LPIN2: variants seen among roughly 807,000 people sequenced by gnomAD.
The protein encoded by LPIN2 is phosphatidate phosphatase LPIN2.
LPIN2 carries 55 observed loss-of-function variants against 111.4 expected under a neutral mutation model. The observed-to-expected ratio is 0.49, with a 90% CI of 0.40 to 0.62. The LOEUF is 0.62. Ranked by LOEUF, LPIN2 falls within the 20% of genes least tolerant of loss-of-function variation. LPIN2 has a pLI of 0.00. For synonymous variants in LPIN2, 425 were observed against 414.0 expected (o/e 1.03, Z -0.32); for missense variants, 992 against 1,112.1 (o/e 0.89, Z 1.54).
intron 6 of LPIN2, among the ~76,000 whole-genome samples, chr18:2,938,625 T>C (rs35082000): frequency 0.12 from 18,231 of 152,234 alleles, 1,222 homozygotes; most frequent in South Asian, 0.16. Flanking sequence ...AATACTCATT[T>C]TGGGGGAGAA....
intron 4 of LPIN2, chr18:2,946,000 C>A: frequency 7.2e-7 from 1 of 1,387,584 alleles, no homozygotes; most frequent in South Asian, 1.2e-5. Flanking sequence ...AATAGGTACT[C>A]CAGAATGATA....
At chr18:2,996,107 G>A (rs1284167330) in intron 1 of LPIN2, among the ~76,000 whole-genome samples, 5 of 152,130 alleles carry the variant, frequency 3.3e-5, no homozygotes, top group Non-Finnish European at 7.3e-5. Flanking sequence ...TTGGGAGGCC[G>A]AGGCGGGCGG....
rs1291666462 is a variant in LPIN2 at position 2,917,945 on chromosome 18, C to T, written c.*2348G>A. The T allele has an allele frequency of 2.2e-4, 33 of 152,184 alleles. 1 individual carries two copies. Among genetic ancestry groups the T allele is most frequent in the Admixed American group, 2.2e-3 (33 of 15,268 alleles). The allele number at this position is 152,184 out of a possible 1,614,324, so 9.4% of individuals were successfully genotyped here. On this transcript the variant is annotated 3_prime_UTR_variant, in exon 20 of 20. Coordinates refer to ENST00000677752, the MANE Select transcript of LPIN2 (RefSeq NM_001375808.2). ...ACTCACCATCCTAAGGGTTTGTGTA[C>T]AAACACACTCGAGGGCATCTCTTTC... is the stretch of plus-strand genomic sequence containing the variant.
intron 17 of LPIN2, 137 bp from the exon 18 acceptor site, chr18:2,921,784 G>A: frequency 2.5e-6 from 2 of 789,922 alleles, no homozygotes; most frequent in Non-Finnish European, 2.1e-6. Flanking sequence ...CTCCTTCTTT[G>A]CCAGTCTGAT....
At position 2,923,713 on chromosome 18, in the gene LPIN2, C is replaced by T. The variant is rs182095669; in HGVS notation, c.2174+62G>A. ...TGGACTGAAGACTTACACCATTGTT[C>T]TATAGTTCTTAAAGCAAGCTTCCAG... On this transcript the variant is annotated intron_variant, in intron 16 of 19. Coordinates refer to ENST00000677752, the MANE Select transcript of LPIN2 (RefSeq NM_001375808.2). 71 of 1,349,384 alleles carry T rather than the reference C, an allele frequency of 5.3e-5. No individual in the cohort carries two copies. In the African/African-American group the frequency reaches 9.5e-4, roughly 18 times the overall value. 83.6% of individuals were successfully genotyped at this position (1,349,384 alleles called of 1,614,324 possible).
rs749637364 is a variant in LPIN2, at chr18:2,961,632, G to A, written c.-9-783C>T. Among the ~76,000 whole-genome samples the A allele has an allele frequency of 3.3e-5, 5 of 152,070 alleles. No homozygotes were observed. In the East Asian group the frequency reaches 5.8e-4, roughly 18 times the overall value. On this transcript the variant is annotated intron_variant, in intron 1 of 19. Coordinates refer to ENST00000677752, the MANE Select transcript of LPIN2 (RefSeq NM_001375808.2). ...GAGAGGAAGTACAGCTAAAGCCAGG[G>A]GTGGCTTTATTGCCTTGGCCCCATC...
chr18:2,920,955 C>T (rs1348131333), intron 18 of LPIN2, 74 bp from the exon 19 acceptor site: 5 of 995,194 alleles, frequency 5.0e-6, no homozygotes, highest in Non-Finnish European at 4.8e-6. Context: ...TCCTTGTGAG[C>T]CAGAAGCACT....
intron 7 of LPIN2, among the ~76,000 whole-genome samples, chr18:2,937,267 G>A (rs1002347278): frequency 2.0e-5 from 3 of 152,094 alleles, no homozygotes; most frequent in African/African-American, 4.8e-5. Context: ...GACGGGCCTG[G>A]GCACGGTGGC....
In LPIN2 at chr18:2,996,278, T is replaced by G. The variant is rs1334930076; in HGVS notation, c.-10+16809A>C. Among the ~76,000 whole-genome samples, 4 of 151,538 alleles carry G rather than the reference T, an allele frequency of 2.6e-5. No homozygotes were observed. The East Asian group carries it at 7.9e-4, about 30-fold the overall frequency. On this transcript the variant is annotated intron_variant, in intron 1 of 19. Coordinates refer to ENST00000677752, the MANE Select transcript of LPIN2 (RefSeq NM_001375808.2). ...TAGCTTGAACCCGGGAGTGGGAGGTTGCAGTGAGCCGAGATCGCACCACTG... is the reference window on the plus strand; with the variant it reads ...TAGCTTGAACCCGGGAGTGGGAGGTGGCAGTGAGCCGAGATCGCACCACTG...
chr18:2,931,431 G>A lies in LPIN2; in HGVS notation c.1281C>T (p.Pro427=), dbSNP rs778559792. 30 of 1,590,142 alleles carry A rather than the reference G, an allele frequency of 1.9e-5. No homozygotes were observed. The highest frequency in any genetic ancestry group is 1.7e-4 in the Middle Eastern group (1 of 5,938). The stretch of plus-strand genomic sequence containing the variant: ...CAGACTCGGGCCACTGCCTGGAACC[G>A]GGCTCCGATTCACTGTGGACAGGGG... ...ALYFPKSESE[P]GSRQWPESDT... Residue 427 remains proline (P), a synonymous_variant, in exon 9 of 20, where the codon CCC becomes CCT. Transcript: ENST00000677752.
chr18:2,946,541 T>A, intron 4 of LPIN2: 1 of 1,504,582 alleles, frequency 6.6e-7, no homozygotes, highest in Non-Finnish European at 9.2e-7. Context: ...GGCCATTTTT[T>A]TTCCCACTGT....
intron 1 of LPIN2, among the ~76,000 whole-genome samples, chr18:2,986,547 T>A (rs117726417): frequency 3.7e-5 from 5 of 135,048 alleles, no homozygotes; most frequent in African/African-American, 5.4e-5. Context: ...TTTTTTAATG[T>A]AAAAAAAAAA....
At chr18:2,950,697 A>G (rs2077521870) in intron 4 of LPIN2, 1 of 302,628 alleles carries the variant, frequency 3.3e-6, no homozygotes, top group African/African-American at 2.2e-5. Flanking sequence ...AAAACATACC[A>G]AGCCTAAGGC....
intron 4 of LPIN2, chr18:2,946,826 C>A (rs747802455): frequency 5.5e-5 from 22 of 396,650 alleles, no homozygotes; most frequent in Middle Eastern, 7.8e-4. Flanking sequence ...AACCTTAGCA[C>A]AGTACGAGTC....
At chr18:3,007,593 G>A (rs1276032127) in intron 1 of LPIN2, among the ~76,000 whole-genome samples, 1 of 152,184 alleles carries the variant, frequency 6.6e-6, no homozygotes, top group African/African-American at 2.4e-5. Context: ...ACAAACAAAA[G>A]ATATATTATA....
intron 1 of LPIN2, among the ~76,000 whole-genome samples, chr18:2,988,012 CAAAAAAAAAAAAAAA>C (rs761121515): frequency 9.3e-5 from 3 of 32,344 alleles, no homozygotes; most frequent in Non-Finnish European, 1.9e-4. Context: ...GAGACTGTCT[CAAAAAAAAAAAAAAA>C]AAAAAAAAAA....
intron 1 of LPIN2, among the ~76,000 whole-genome samples, chr18:3,006,264 A>G (rs2078513990): frequency 6.6e-6 from 1 of 152,256 alleles, no homozygotes; most frequent in Admixed American, 6.5e-5. Flanking sequence ...ACTTTACAAC[A>G]GACTAAGAAT....
chr18:2,945,986 G>A, intron 4 of LPIN2: 1 of 1,397,162 alleles, frequency 7.2e-7, no homozygotes, highest in Admixed American at 1.7e-5. Context: ...GTCCCCTCAT[G>A]GAAAATAGGT....
At chr18:2,944,076 G>A (rs995264795) in intron 4 of LPIN2, among the ~76,000 whole-genome samples, 3 of 151,462 alleles carry the variant, frequency 2.0e-5, no homozygotes, top group Admixed American at 2.0e-4. Flanking sequence ...CAGAGTTCTG[G>A]CCTTCAGAAT....
Sources: allele counts gnomAD v4.1 joint callset (sites outside exome capture counted in the v4.1 genomes callset), GRCh38; gene constraint gnomAD v4.1.1; transcripts MANE v1.5; gene names NCBI Gene and HGNC (gene_info 2026-07-23, HGNC 2026-07-21).